The following ZC3H13 variants were observed in gnomAD, a reference collection of about 807,000 sequenced individuals.
ZC3H13 encodes zinc finger CCCH domain-containing protein 13.
Under a neutral mutation model 204.1 loss-of-function variants are expected in ZC3H13, and 64 were observed. The observed-to-expected ratio is 0.31, with a 90% CI of 0.26 to 0.39. ZC3H13 has a LOEUF of 0.39. Among genes scored for constraint, ZC3H13 ranks in the 10% least tolerant of loss-of-function variants. ZC3H13 has a pLI of 1.00. For missense variants in ZC3H13, 1,833 were observed against 2,082.7 expected (o/e 0.88, Z 2.33); for synonymous variants, 667 against 693.7 (o/e 0.96, Z 0.60).
At chr13:46,017,772 G>GT (rs2138768316) in intron 5 of ZC3H13, among the ~76,000 whole-genome samples, 1 of 152,132 alleles carries the variant, frequency 6.6e-6, no homozygotes, top group South Asian at 2.1e-4. Context: ...AATGCAGAAG[G>GT]TAAGTCTATG....
At chr13:45,984,578 G>C (rs1191177473) in intron 10 of ZC3H13, among the ~76,000 whole-genome samples, 1 of 152,074 alleles carries the variant, frequency 6.6e-6, no homozygotes, top group Non-Finnish European at 1.5e-5. Context: ...GTCAAGAAAA[G>C]ACAAGGCAGC....
At chr13:45,962,936 C>A (rs1566142499) in intron 17 of ZC3H13, 11 of 985,200 alleles carry the variant, frequency 1.1e-5, no homozygotes, top group Non-Finnish European at 1.3e-5. Context: ...ACCAAACAAC[C>A]CCTACCACCA....
At position 45,967,597 on chromosome 13, in the gene ZC3H13, G is replaced by T. The variant is rs754217595; in HGVS notation, c.4228C>A (p.Leu1410Ile). ...RDLESTSRDS[L>I]ALDKERMDKD... ...TCCATTCTCTCTTTATCCAAGGCTA[G>T]AGAGTCTCGGGAAGTGCTTTCTAGA... Residue 1410 changes from leucine (L) to isoleucine (I), a missense_variant, in exon 15 of 19, where the codon CTA becomes ATA. This residue lies in a region of ZC3H13 where 1,574 missense variants were observed against 1,757.2 expected (regional missense o/e 0.90). Coordinates refer to ENST00000679008, the MANE Select transcript of ZC3H13 (RefSeq NM_001330564.2). 48 of 1,613,982 alleles carry T rather than the reference G, an allele frequency of 3.0e-5. No homozygotes were observed. In the East Asian group the frequency reaches 1.0e-3, roughly 34 times the overall value.
chr13:45,972,373 G>C (rs1014882575), intron 12 of ZC3H13, among the ~76,000 whole-genome samples: 2 of 152,116 alleles, frequency 1.3e-5, no homozygotes, highest in Non-Finnish European at 2.9e-5. Flanking sequence ...GTTCTCACCT[G>C]TAAGTGAGAG....
intron 8 of ZC3H13, among the ~76,000 whole-genome samples, chr13:45,999,411 A>T (rs2040583114): frequency 6.6e-6 from 1 of 152,202 alleles, no homozygotes; most frequent in Non-Finnish European, 1.5e-5. Flanking sequence ...ACTGTCATTT[A>T]AAAAAATGTT....
intron 4 of ZC3H13, among the ~76,000 whole-genome samples, chr13:46,040,354 A>G (rs1047758048): frequency 6.6e-6 from 1 of 152,168 alleles, no homozygotes; most frequent in South Asian, 2.1e-4. Context: ...AGTAACTTTC[A>G]TAAAAAGACT....
In ZC3H13 at chr13:45,954,737, C is replaced by T. The variant is rs1951197181; in HGVS notation, c.*2390G>A. 6.6e-6 allele frequency: 1 copy of T among 152,144 alleles called. No individual in the cohort carries two copies. Among genetic ancestry groups the T allele is most frequent in the Non-Finnish European group, 1.5e-5 (1 of 68,014 alleles). The allele number at this position is 152,144 out of a possible 1,614,324, so 9.4% of individuals were successfully genotyped here. On this transcript the variant is annotated 3_prime_UTR_variant, in exon 19 of 19. Transcript: ENST00000679008. ...GCAAAGTGGGAGATTCTACCAATGC[C>T]ACTTACAGAACAGATTTTCAAGTTA...
intron 1 of ZC3H13, among the ~76,000 whole-genome samples, chr13:46,048,580 C>CAAAAAAAA (rs56753264): frequency 2.6e-5 from 1 of 38,662 alleles, no homozygotes; most frequent in Non-Finnish European, 4.3e-5. Flanking sequence ...GACTCCGCCT[C>CAAAAAAAA]AAAAAAAAAA....
In ZC3H13 at chr13:45,959,479, G is replaced by C; in HGVS notation, c.4839+4C>G. 6.5e-7 allele frequency: 1 copy of C among 1,537,070 alleles called. No homozygotes were observed. The highest frequency in any genetic ancestry group is 1.2e-5 in the South Asian group (1 of 81,556). ...TTGTATTTTTTCCAAGGAAATAACAGTACCTTCTCATTTTTAACAAGCTGC... is the reference window on the plus strand; with the variant it reads ...TTGTATTTTTTCCAAGGAAATAACACTACCTTCTCATTTTTAACAAGCTGC... On this transcript the variant is annotated splice_donor_region_variant and intron_variant, in intron 18 of 18. Transcript: ENST00000679008.
intron 8 of ZC3H13, among the ~76,000 whole-genome samples, chr13:45,995,271 A>C (rs2040251018): frequency 6.6e-6 from 1 of 152,216 alleles, no homozygotes; most frequent in Non-Finnish European, 1.5e-5. Flanking sequence ...AATTTTGCAA[A>C]GCAAGTTGGA....
Position 45,975,572 on chromosome 13 carries a change from T to A in ZC3H13, c.2179A>T (p.Arg727Trp), listed in dbSNP as rs754495974. Residue 727 changes from arginine to tryptophan, a missense_variant, in exon 12 of 19, where the codon AGG becomes TGG. Physicochemically the swap from Arg to Trp is moderately radical, Grantham distance 101. Coordinates refer to ENST00000679008, the MANE Select transcript of ZC3H13 (RefSeq NM_001330564.2). ...REREKERDRE[R>W]DRDRDHDRER... ...CGATCGTGGTCTCGGTCTCTATCCC[T>A]TTCACGATCTCTCTCTTTTTCTCTT... The A allele has an allele frequency of 8.9e-6, 14 of 1,574,664 alleles. No individual in the cohort carries two copies. Among genetic ancestry groups the A allele is most frequent in the Non-Finnish European group, 9.5e-6 (11 of 1,159,922 alleles).
intron 8 of ZC3H13, among the ~76,000 whole-genome samples, chr13:45,997,587 T>C (rs1057320936): frequency 2.0e-5 from 3 of 152,194 alleles, no homozygotes; most frequent in Non-Finnish European, 1.5e-5. Flanking sequence ...TTATCTATTA[T>C]GAGTAATGGA....
At chr13:45,962,908 G>A in intron 17 of ZC3H13, 1 of 985,340 alleles carries the variant, frequency 1.0e-6, no homozygotes, top group Non-Finnish European at 1.2e-6. Flanking sequence ...AGATGAGACA[G>A]AGACAGTGAA....
chr13:46,042,867 T>G (rs1161225388), intron 3 of ZC3H13, among the ~76,000 whole-genome samples: 1 of 152,002 alleles, frequency 6.6e-6, no homozygotes, highest in Non-Finnish European at 1.5e-5. Flanking sequence ...TATCTTAAAT[T>G]TTAAATTATT....
chr13:45,967,722 T>C lies in ZC3H13; in HGVS notation c.4103A>G (p.Glu1368Gly). 1 of 1,613,824 alleles carries C rather than the reference T, an allele frequency of 6.2e-7. No homozygotes were observed. The highest frequency in any genetic ancestry group is 8.5e-7 in the Non-Finnish European group (1 of 1,179,906). ...ERERLISDSV[E>G]RDRDRDRDRT... ...GTCTCTGTCTCTGTCCCTGTCCCTT[T>C]CAACAGAATCAGAAATTAGTCTCTC... The change falls in exon 15 of 19, where the codon GAA becomes GGA. Residue 1368 changes from glutamate to glycine, a missense_variant. By Grantham distance (98) the Glu-to-Gly change is moderately conservative (BLOSUM62 -2). This residue lies in a region of ZC3H13 where 1,574 missense variants were observed against 1,757.2 expected (regional missense o/e 0.90). Transcript: ENST00000679008.
At chr13:45,982,287 C>T (rs1339604335) in intron 10 of ZC3H13, among the ~76,000 whole-genome samples, 1 of 151,786 alleles carries the variant, frequency 6.6e-6, no homozygotes, top group African/African-American at 2.4e-5. Flanking sequence ...AACATTTTTA[C>T]AGACTACAAA....
chr13:45,975,259 T>G, intron 12 of ZC3H13, 24 bp downstream of exon 12: 1 of 1,595,204 alleles, frequency 6.3e-7, no homozygotes, highest in Non-Finnish European at 8.6e-7. Context: ...TAAAATGTTA[T>G]TAATAACTGA....
chr13:45,976,370 A>C, intron 11 of ZC3H13: 1 of 509,084 alleles, frequency 2.0e-6, no homozygotes, highest in Non-Finnish European at 2.5e-6. Flanking sequence ...ATAGTAGAAC[A>C]AAACATATGT....
intron 13 of ZC3H13, 110 bp downstream of exon 13, chr13:45,970,252 A>T: frequency 1.6e-6 from 2 of 1,238,200 alleles, no homozygotes; most frequent in Non-Finnish European, 2.3e-6. Context: ...CAGCAAAGCA[A>T]GACAACTTTT....
Sources: gnomAD v4.1 joint callset for allele counts (sites outside exome capture counted in the v4.1 genomes callset) on GRCh38, gnomAD v4.1.1 for gene constraint, gnomAD v4.1.1 regional missense constraint, MANE v1.5 for transcripts, NCBI Gene and HGNC (gene_info 2026-07-23, HGNC 2026-07-21) for gene names.